Variants in SLCO5A1 observed in about 807,000 individuals in gnomAD.
SLCO5A1 encodes the protein organic anion transporter polypeptide-related protein 4.
Under a neutral mutation model 65.1 loss-of-function variants are expected in SLCO5A1, and 39 were observed. That is an observed-to-expected ratio of 0.60 (90% CI 0.46 to 0.78). The LOEUF is 0.78. Among genes scored for constraint, SLCO5A1 ranks in the 30% least tolerant of loss-of-function variants. SLCO5A1 has a pLI of 0.00. For synonymous variants in SLCO5A1, 438 were observed against 415.7 expected (o/e 1.05, Z -0.65); for missense variants, 1,029 against 1,069.4 (o/e 0.96, Z 0.53).
At chr8:69,800,434 A>G (rs1169047920) in intron 2 of SLCO5A1, among the ~76,000 whole-genome samples, 1 of 152,016 alleles carries the variant, frequency 6.6e-6, no homozygotes, top group Non-Finnish European at 1.5e-5. Flanking sequence ...GTTTGAACAG[A>G]TAACAATGGA....
chr8:69,734,227 C>T (rs1816458768), intron 5 of SLCO5A1, among the ~76,000 whole-genome samples: 1 of 152,184 alleles, frequency 6.6e-6, no homozygotes, highest in African/African-American at 2.4e-5. Context: ...AGCTCTATTT[C>T]TGACCTAGGG....
At chr8:69,706,652 A>C (rs918219522) in intron 5 of SLCO5A1, among the ~76,000 whole-genome samples, 1 of 152,206 alleles carries the variant, frequency 6.6e-6, no homozygotes, top group African/African-American at 2.4e-5. Context: ...CCTTCACCAC[A>C]CGGGGCCAGG....
intron 6 of SLCO5A1, among the ~76,000 whole-genome samples, chr8:69,686,202 C>T (rs1479740417): frequency 1.5e-5 from 2 of 134,116 alleles, no homozygotes; most frequent in East Asian, 2.1e-4. Context: ...GCTCATGCCA[C>T]GTGGACTAAA....
intron 2 of SLCO5A1, among the ~76,000 whole-genome samples, chr8:69,783,223 A>G (rs1818875442): frequency 6.6e-6 from 1 of 152,154 alleles, no homozygotes; most frequent in Admixed American, 6.5e-5. Flanking sequence ...ACAAAAAAAT[A>G]TAGAAAGAAT....
At position 69,698,342 on chromosome 8, in the gene SLCO5A1, A is replaced by G. The variant is rs986923026; in HGVS notation, c.1622+6689T>C. Among the ~76,000 whole-genome samples the G allele has an allele frequency of 2.0e-5, 3 of 152,178 alleles. No individual in the cohort carries two copies. In the East Asian group the frequency reaches 5.8e-4, roughly 29 times the overall value. Reference sequence around the variant, plus strand: ...ATGTGTGCATGTGTCTTTATGGTAGAATTATTCATATTCCTTTGGATATAT... The same window carrying G: ...ATGTGTGCATGTGTCTTTATGGTAGGATTATTCATATTCCTTTGGATATAT... On this transcript the variant is annotated intron_variant, in intron 6 of 9. Coordinates refer to ENST00000260126, the MANE Select transcript of SLCO5A1 (RefSeq NM_030958.3).
chr8:69,754,894 C>A (rs2380598), intron 4 of SLCO5A1, among the ~76,000 whole-genome samples: 3 of 152,008 alleles, frequency 2.0e-5, no homozygotes, highest in Non-Finnish European at 4.4e-5. Flanking sequence ...GACAGAGCTG[C>A]TAAGTGAGAT....
Position 69,775,394 on chromosome 8 carries a change from A to T in SLCO5A1, c.908-13519T>A, listed in dbSNP as rs368622091. Among the ~76,000 whole-genome samples, 106 of 152,286 alleles carry T rather than the reference A, an allele frequency of 7.0e-4. 3 individuals are homozygous for T. The South Asian group carries it at 0.013, about 19-fold the overall frequency. Reference sequence around the variant, plus strand: ...ACATGCTGTGGCTTTAAAACAACAGATTGGCACATGTATCCATATATAACA... The same window carrying T: ...ACATGCTGTGGCTTTAAAACAACAGTTTGGCACATGTATCCATATATAACA... On this transcript the variant is annotated intron_variant, in intron 2 of 9. Coordinates refer to ENST00000260126, the MANE Select transcript of SLCO5A1 (RefSeq NM_030958.3).
At chr8:69,732,461 G>A (rs1816375954) in intron 5 of SLCO5A1, among the ~76,000 whole-genome samples, 1 of 152,232 alleles carries the variant, frequency 6.6e-6, no homozygotes. Context: ...TGAGTGGATG[G>A]AAGTGGAATC....
In SLCO5A1 at chr8:69,822,548, T is replaced by A. The variant is rs550894164; in HGVS notation, c.907+9219A>T. On this transcript the variant is annotated intron_variant, in intron 2 of 9. Coordinates refer to ENST00000260126, the MANE Select transcript of SLCO5A1 (RefSeq NM_030958.3). ...GCAATGTTTCTTTTCTTTTTTCCAA[T>A]TTTAGAATAGATACATTTAAGGGTT... Among the ~76,000 whole-genome samples the A allele has an allele frequency of 7.9e-5, 12 of 152,350 alleles. No individual in the cohort carries two copies. In the South Asian group the frequency reaches 2.5e-3, roughly 32 times the overall value.
At chr8:69,738,659 G>T (rs1816670660) in intron 4 of SLCO5A1, among the ~76,000 whole-genome samples, 1 of 152,052 alleles carries the variant, frequency 6.6e-6, no homozygotes, top group African/African-American at 2.4e-5. Context: ...TGCTTCTGTG[G>T]GCATCTACAT....
intron 2 of SLCO5A1, among the ~76,000 whole-genome samples, chr8:69,778,587 T>C (rs1818671064): frequency 6.6e-6 from 1 of 152,206 alleles, no homozygotes; most frequent in Non-Finnish European, 1.5e-5. Flanking sequence ...TTCAGTTTTC[T>C]CTAATTGAAT....
intron 2 of SLCO5A1, among the ~76,000 whole-genome samples, chr8:69,779,984 G>A (rs899069844): frequency 6.6e-6 from 1 of 151,940 alleles, no homozygotes; most frequent in Non-Finnish European, 1.5e-5. Context: ...TAAAAAGTGG[G>A]CAAAGGACAT....
intron 6 of SLCO5A1, among the ~76,000 whole-genome samples, chr8:69,696,340 G>C (rs182441771): frequency 6.6e-6 from 1 of 152,180 alleles, no homozygotes; most frequent in South Asian, 2.1e-4. Context: ...GGCAGAGGCC[G>C]CCTTGGAGAA....
At chr8:69,791,403 T>G (rs1269287021) in intron 2 of SLCO5A1, among the ~76,000 whole-genome samples, 3 of 152,236 alleles carry the variant, frequency 2.0e-5, no homozygotes, top group African/African-American at 7.2e-5. Flanking sequence ...AAGACATGGA[T>G]GTACTGAGTC....
rs778389526 is a variant in SLCO5A1 at position 69,738,027 on chromosome 8, G to A, written c.1423+13C>T. ...GATCATGTTTTCAAGCAGCCCTAGCGGCAGTGCCTTACCAGTGTAGATGCT... is the reference window on the plus strand; with the variant it reads ...GATCATGTTTTCAAGCAGCCCTAGCAGCAGTGCCTTACCAGTGTAGATGCT... On this transcript the variant is annotated intron_variant, in intron 5 of 9. Transcript: ENST00000260126. 1.4e-5 allele frequency: 23 copies of A among 1,610,950 alleles called. No individual in the cohort carries two copies. Among genetic ancestry groups the A allele is most frequent in the Non-Finnish European group, 1.9e-5 (22 of 1,178,478 alleles).
At chr8:69,723,689 G>A (rs1034774805) in intron 5 of SLCO5A1, among the ~76,000 whole-genome samples, 1 of 151,984 alleles carries the variant, frequency 6.6e-6, no homozygotes, top group Non-Finnish European at 1.5e-5. Flanking sequence ...AGGAAGCCAA[G>A]GAGAGTTGTA....
chr8:69,693,827 G>T (rs1814376824), intron 6 of SLCO5A1, among the ~76,000 whole-genome samples: 1 of 152,130 alleles, frequency 6.6e-6, no homozygotes. Context: ...TTAAAGAATT[G>T]GCCAAGTATC....
intron 2 of SLCO5A1, among the ~76,000 whole-genome samples, chr8:69,770,265 G>A (rs1002412017): frequency 2.0e-5 from 3 of 152,046 alleles, no homozygotes; most frequent in Non-Finnish European, 4.4e-5. Flanking sequence ...AAGATTGTAT[G>A]ACCTATTTGA....
At chr8:69,815,862 T>C (rs988150754) in intron 2 of SLCO5A1, among the ~76,000 whole-genome samples, 2 of 152,150 alleles carry the variant, frequency 1.3e-5, no homozygotes, top group Non-Finnish European at 2.9e-5. Context: ...GAGCACACCA[T>C]AGTAACTTCT....
Sources: gnomAD v4.1 joint callset for allele counts (sites outside exome capture counted in the v4.1 genomes callset) on GRCh38, gnomAD v4.1.1 for gene constraint, MANE v1.5 for transcripts, NCBI Gene and HGNC (gene_info 2026-07-23, HGNC 2026-07-21) for gene names.